UPF3B: variants seen among roughly 807,000 people sequenced by gnomAD.
The protein encoded by UPF3B is UPF3B regulator of nonsense mediated mRNA decay.
In UPF3B, 7 loss-of-function variants were observed where a neutral mutation model predicts 40.3. That is an observed-to-expected ratio of 0.17 (90% confidence interval 0.10 to 0.33). UPF3B has a LOEUF of 0.33. Among genes scored for constraint, UPF3B ranks in the 10% least tolerant of loss-of-function variants. The probability of loss-of-function intolerance (pLI) is 1.00; values close to 1 mark genes in which losing one functional copy is unlikely to be tolerated. For synonymous variants in UPF3B, 117 were observed against 117.3 expected (o/e 1.00, Z 0.01); for missense variants, 229 against 358.9 (o/e 0.64, Z 2.93).
intron 7 of UPF3B, 48 bp downstream of exon 7, chrX:119,841,028 A>T (rs1389298177): frequency 8.5e-7 from 1 of 1,183,406 alleles, no homozygotes; most frequent in African/African-American, 1.7e-5. Context: ...AAAGAAGTAG[A>T]TACGTGCAAT....
At chrX:119,830,865 CCAA>C (rs2056029486), downstream of UPF3B, among the ~76,000 whole-genome samples, 2 of 111,864 alleles carry the variant, frequency 1.8e-5, no homozygotes, top group Admixed American at 9.5e-5. Flanking sequence ...TCAACAGTTA[CCAA>C]CAACAATGCA....
downstream of UPF3B, among the ~76,000 whole-genome samples, chrX:119,829,769 CATGACTTCAATGGACCCCTAAAAATGG>C (rs1188682772): frequency 8.9e-6 from 1 of 111,830 alleles, no homozygotes; most frequent in Non-Finnish European, 1.9e-5. Context: ...AATCCATGGT[CATGACTTCAATGGACCCCTAAAAATGG>C]ATGAATTCCA....
chrX:119,832,630 G>C (rs917405149), downstream of UPF3B, among the ~76,000 whole-genome samples: 1 of 111,245 alleles, frequency 9.0e-6, no homozygotes, highest in African/African-American at 3.3e-5. Context: ...CACTTTCCAA[G>C]AATTTACCAA....
chrX:119,812,882 A>G (rs1226048980), intron 5 of UPF3B, among the ~76,000 whole-genome samples: 1 of 110,909 alleles, frequency 9.0e-6, no homozygotes, highest in Non-Finnish European at 1.9e-5. Flanking sequence ...TTCACTAATG[A>G]AATCACGACT....
intron 3 of UPF3B, among the ~76,000 whole-genome samples, chrX:119,823,714 C>T (rs1332042303): frequency 9.1e-6 from 1 of 109,754 alleles, no homozygotes; most frequent in Non-Finnish European, 1.9e-5. Flanking sequence ...CAGGCATGCG[C>T]CACCATGCCC....
In UPF3B at chrX:119,834,281, C is replaced by CA. The variant is rs2056067564; in HGVS notation, c.*596dup. The CA allele has an allele frequency of 1.3e-6, 1 of 754,315 alleles. No homozygotes were observed. The highest frequency in any genetic ancestry group is 1.6e-6 in the Non-Finnish European group (1 of 639,979). 62.2% of individuals were successfully genotyped at this position (754,315 alleles called of 1,213,427 possible). On this transcript the variant is annotated 3_prime_UTR_variant, in exon 11 of 11. Transcript: ENST00000276201. ...TTTACGCTAAGCTCATATAAGCAAACAAAAAACTAAAACTAATCCTAAAAC... is the reference window on the plus strand; with the variant it reads ...TTTACGCTAAGCTCATATAAGCAAACAAAAAAACTAAAACTAATCCTAAAAC...
chrX:119,838,471 G>A lies in UPF3B; in HGVS notation c.903C>T (p.Ala301=). ...TGAGATTCTCTTTGTCCAATTTCTTGGCTTTTTCTCTTTTGTCCAATTCTT... is the reference window on the plus strand; with the variant it reads ...TGAGATTCTCTTTGTCCAATTTCTTAGCTTTTTCTCTTTTGTCCAATTCTT... ...DEKELDKREK[A]KKLDKENLSD... is the part of the protein sequence containing the mutation. The change falls in exon 9 of 11, where the codon GCC becomes GCT. Residue 301 remains alanine, a synonymous_variant. Coordinates refer to ENST00000276201, the MANE Select transcript of UPF3B (RefSeq NM_080632.3). 10 of 1,210,817 alleles carry A rather than the reference G, an allele frequency of 8.3e-6. No individual in the cohort carries two copies. Among genetic ancestry groups the A allele is most frequent in the Non-Finnish European group, 1.1e-5 (10 of 894,986 alleles).
At chrX:119,852,477 C>T (rs2056314252) in intron 1 of UPF3B, among the ~76,000 whole-genome samples, 1 of 111,918 alleles carries the variant, frequency 8.9e-6, no homozygotes, top group Non-Finnish European at 1.9e-5. Flanking sequence ...CCAATTACAC[C>T]TTTAGTTCCT....
chrX:119,819,811 A>G (rs867122205), intron 4 of UPF3B, among the ~76,000 whole-genome samples: 1 of 79,703 alleles, frequency 1.3e-5, no homozygotes, highest in Non-Finnish European at 2.6e-5. Flanking sequence ...TTTTATTTCT[A>G]TTTTCCACAA....
chrX:119,829,746 C>G (rs1603368565), downstream of UPF3B, among the ~76,000 whole-genome samples: 1 of 111,543 alleles, frequency 9.0e-6, no homozygotes, highest in African/African-American at 3.3e-5. Flanking sequence ...TTTCTCTCTC[C>G]CTAAAGTGAC....
At chrX:119,813,568 T>C (rs1173230855) in intron 5 of UPF3B, among the ~76,000 whole-genome samples, 2 of 106,658 alleles carry the variant, frequency 1.9e-5, no homozygotes, top group Non-Finnish European at 3.9e-5. Context: ...TCTTTTCTTT[T>C]TTTTTTTTTT....
At chrX:119,806,424 G>A (rs2055791974) in intron 6 of UPF3B, among the ~76,000 whole-genome samples, 1 of 103,269 alleles carries the variant, frequency 9.7e-6, no homozygotes, top group Non-Finnish European at 2.0e-5. Context: ...CATGGCACAT[G>A]TATACATATG....
intron 10 of UPF3B, 80 bp from the exon 11 acceptor site, chrX:119,835,107 T>C: frequency 9.0e-7 from 1 of 1,105,344 alleles, no homozygotes; most frequent in Non-Finnish European, 1.2e-6. Flanking sequence ...CATAGTTATG[T>C]ATGAATATAT....
chrX:119,851,432 G>A lies in UPF3B; in HGVS notation c.370+63C>T, dbSNP rs17327123. On this transcript the variant is annotated intron_variant, in intron 3 of 10. Coordinates refer to ENST00000276201, the MANE Select transcript of UPF3B (RefSeq NM_080632.3). ...AACTCTAGGAAGCAACGCAATGCACGAGTTGTCTTAAACATACAAATGACA... is the reference window on the plus strand; with the variant it reads ...AACTCTAGGAAGCAACGCAATGCACAAGTTGTCTTAAACATACAAATGACA... The A allele has an allele frequency of 0.039, 32,320 of 824,943 alleles. 617 individuals are homozygous for A. Among genetic ancestry groups the A allele is most frequent in the Non-Finnish European group, 0.043 (23,320 of 546,640 alleles). The allele number at this position is 824,943 out of a possible 1,213,427, so 68.0% of individuals were successfully genotyped here.
intron 4 of UPF3B, among the ~76,000 whole-genome samples, chrX:119,820,369 T>G (rs758919667): frequency 9.3e-6 from 1 of 108,056 alleles, no homozygotes; most frequent in East Asian, 2.9e-4. Flanking sequence ...CAGGCTGGTC[T>G]CAAACTCCTG....
intron 6 of UPF3B, chrX:119,807,470 C>T (rs1426731128): frequency 2.3e-6 from 2 of 885,062 alleles, no homozygotes; most frequent in Non-Finnish European, 2.8e-6. Context: ...GTTAATATCA[C>T]TTTCCTGCTT....
chrX:119,810,814 AT>A (rs34901145), intron 5 of UPF3B, among the ~76,000 whole-genome samples: 2 of 110,516 alleles, frequency 1.8e-5, no homozygotes, highest in African/African-American at 3.3e-5. Context: ...AAAGGGTACC[AT>A]TTTTTTTCCA....
In UPF3B at chrX:119,837,794, T is replaced by C. The variant is rs200083156; in HGVS notation, c.1265A>G (p.Lys422Arg). 1.6e-5 allele frequency: 19 copies of C among 1,208,775 alleles called. No homozygotes were observed. The highest frequency in any genetic ancestry group is 2.0e-5 in the Non-Finnish European group (18 of 895,122). ...TCGATCTCTCTTGACCACTTCTTCT[T>C]TCTTTTCAGTTTTTTCTGAGCTGCC... ...SIGSSEKTEK[K>R]EEVVKRDRIR... The change falls in exon 10 of 11, where the codon AAA becomes AGA. Residue 422 changes from lysine to arginine, a missense_variant. Lys to Arg is a conservative substitution (Grantham distance 26, BLOSUM62 2). Transcript: ENST00000276201.
At chrX:119,830,694 T>C (rs1424241900), downstream of UPF3B, among the ~76,000 whole-genome samples, 1 of 108,778 alleles carries the variant, frequency 9.2e-6, no homozygotes, top group Non-Finnish European at 1.9e-5. Flanking sequence ...AGTAATATCA[T>C]TCCTCTCCTT....
Sources: allele counts gnomAD v4.1 joint callset (sites outside exome capture counted in the v4.1 genomes callset), GRCh38; gene constraint gnomAD v4.1.1; transcripts MANE v1.5; gene names NCBI Gene and HGNC (gene_info 2026-07-23, HGNC 2026-07-21).